AVL9: variants seen among roughly 807,000 people sequenced by gnomAD.
AVL9 encodes late secretory pathway protein AVL9 homolog.
In AVL9, 49 loss-of-function variants were observed where a neutral mutation model predicts 79.2. That is an observed-to-expected ratio of 0.62 (90% CI 0.49 to 0.79). The LOEUF (loss-of-function observed/expected upper bound fraction) is 0.79. AVL9 is among the 30% of genes least tolerant of loss of function. The probability of loss-of-function intolerance (pLI) is 0.00; values close to 1 mark genes in which losing one functional copy is unlikely to be tolerated. For synonymous variants in AVL9, 299 were observed against 280.6 expected (o/e 1.07, Z -0.65); for missense variants, 682 against 776.8 (o/e 0.88, Z 1.45).
chr7:32,580,305 T>C (rs756508881), intron 14 of AVL9, 33 bp downstream of exon 14: 3 of 1,542,700 alleles, frequency 1.9e-6, no homozygotes, highest in South Asian at 2.3e-5. Context: ...GGGAAAATTC[T>C]TAAGTCTGAA....
intron 1 of AVL9, among the ~76,000 whole-genome samples, chr7:32,523,409 A>G (rs1788253892): frequency 6.6e-6 from 1 of 151,880 alleles, no homozygotes; most frequent in South Asian, 2.1e-4. Flanking sequence ...CTGGGAACCT[A>G]AACTTTTTTT....
chr7:32,516,930 A>G (rs965655898), intron 1 of AVL9, among the ~76,000 whole-genome samples: 5 of 152,176 alleles, frequency 3.3e-5, no homozygotes, highest in African/African-American at 7.2e-5. Context: ...AGGAAATTTC[A>G]GAGCCCAAAG....
rs1474068768 is a variant in AVL9 at position 32,497,682 on chromosome 7, A to T, written c.93+1880A>T. Among the ~76,000 whole-genome samples the T allele has an allele frequency of 2.7e-5, 4 of 146,604 alleles. No individual in the cohort carries two copies. In the East Asian group the frequency reaches 8.0e-4, roughly 29 times the overall value. On this transcript the variant is annotated intron_variant, in intron 1 of 15. Coordinates refer to ENST00000318709, the MANE Select transcript of AVL9 (RefSeq NM_015060.3). ...TTTTTTTTTTTTTTCTTCAGATGGA[A>T]TCTCACTCTCTCACCCAGGCTGGAG...
intron 1 of AVL9, among the ~76,000 whole-genome samples, chr7:32,496,227 C>T (rs1303359282): frequency 6.6e-6 from 1 of 152,196 alleles, no homozygotes; most frequent in Admixed American, 6.5e-5. Flanking sequence ...GCTCAGTGGG[C>T]TTGCATACTA....
chr7:32,567,661 A>C (rs962414957), intron 10 of AVL9, among the ~76,000 whole-genome samples: 1 of 151,912 alleles, frequency 6.6e-6, no homozygotes, highest in African/African-American at 2.4e-5. Flanking sequence ...ATGGTAGCAG[A>C]ATGTGCCCAT....
chr7:32,569,316 C>T (rs1198209358), intron 10 of AVL9, among the ~76,000 whole-genome samples: 1 of 152,214 alleles, frequency 6.6e-6, no homozygotes, highest in Non-Finnish European at 1.5e-5. Flanking sequence ...GCATATCTTC[C>T]TTCAGTCAAT....
At chr7:32,524,041 G>A (rs546501092) in intron 1 of AVL9, among the ~76,000 whole-genome samples, 2 of 151,414 alleles carry the variant, frequency 1.3e-5, no homozygotes, top group Non-Finnish European at 2.9e-5. Context: ...TCGAGATGGG[G>A]TTTCAACATG....
chr7:32,584,713 C>T lies in AVL9; in HGVS notation c.*806C>T, dbSNP rs1583620176. On this transcript the variant is annotated 3_prime_UTR_variant, in exon 16 of 16. Transcript: ENST00000318709. Reference sequence around the variant, plus strand: ...TTATTTTTCAACCGCAGTCATGTTGCAGTCTTACAAGCACTTTTTTTTTAT... The same window carrying T: ...TTATTTTTCAACCGCAGTCATGTTGTAGTCTTACAAGCACTTTTTTTTTAT... 1 of 136,106 alleles carries T rather than the reference C, an allele frequency of 7.3e-6. No individual in the cohort carries two copies. Among genetic ancestry groups the T allele is most frequent in the Non-Finnish European group, 1.5e-5 (1 of 66,312 alleles). 8.4% of individuals were successfully genotyped at this position (136,106 alleles called of 1,614,324 possible).
intron 10 of AVL9, among the ~76,000 whole-genome samples, chr7:32,564,171 A>G (rs540775414): frequency 6.6e-6 from 1 of 152,340 alleles, no homozygotes; most frequent in African/African-American, 2.4e-5. Flanking sequence ...TCAATAAAGC[A>G]TGTTTAGCGG....
chr7:32,583,529 A>G (rs1034301018), intron 15 of AVL9, among the ~76,000 whole-genome samples: 8 of 152,026 alleles, frequency 5.3e-5, no homozygotes, highest in African/African-American at 1.9e-4. Flanking sequence ...AAATCAAAAA[A>G]TTACCCAGGT....
At chr7:32,571,482 C>T (rs1157610502) in intron 11 of AVL9, among the ~76,000 whole-genome samples, 21 of 151,010 alleles carry the variant, frequency 1.4e-4, no homozygotes, top group Admixed American at 1.1e-3. Context: ...GAGCCGAGAT[C>T]GTGCCACTGC....
At position 32,517,844 on chromosome 7, in the gene AVL9, T is replaced by TG. The variant is rs936174898; in HGVS notation, c.93+22042_93+22043insG. On this transcript the variant is annotated intron_variant, in intron 1 of 15. Transcript: ENST00000318709. The stretch of plus-strand genomic sequence containing the variant: ...TTTGTTTGTTTGTTTTGTTTTGTTT[T>TG]TTTTTGAAACATAGTCTTGCTTTGT... Among the ~76,000 whole-genome samples, 360 of 152,096 alleles carry TG rather than the reference T, an allele frequency of 2.4e-3. 3 individuals carry two copies. The highest frequency in any genetic ancestry group is 8.2e-3 in the African/African-American group (339 of 41,492).
At chr7:32,548,310 G>A (rs1283187456) in intron 3 of AVL9, among the ~76,000 whole-genome samples, 1 of 151,968 alleles carries the variant, frequency 6.6e-6, no homozygotes, top group African/African-American at 2.4e-5. Flanking sequence ...ACCACACCTG[G>A]CTGATTTCTG....
chr7:32,576,658 C>T (rs892199105), intron 13 of AVL9, among the ~76,000 whole-genome samples: 5 of 151,976 alleles, frequency 3.3e-5, no homozygotes, highest in African/African-American at 1.2e-4. Context: ...TGGTAGTGGG[C>T]GCCTGTAATC....
intron 3 of AVL9, among the ~76,000 whole-genome samples, chr7:32,545,106 G>GA (rs11381738): frequency 0.64 from 97,594 of 151,880 alleles, 31,869 homozygotes; most frequent in Admixed American, 0.73. Context: ...ATATAACTTA[G>GA]AAAAATTGAG....
At chr7:32,509,439 C>A (rs1410527855) in intron 1 of AVL9, among the ~76,000 whole-genome samples, 1 of 152,146 alleles carries the variant, frequency 6.6e-6, no homozygotes, top group Non-Finnish European at 1.5e-5. Flanking sequence ...ACACAACTTA[C>A]CCTACTTGAA....
chr7:32,543,367 A>G (rs918332079), intron 2 of AVL9, 106 bp downstream of exon 2: 1 of 1,337,904 alleles, frequency 7.5e-7, no homozygotes, highest in African/African-American at 1.5e-5. Flanking sequence ...GCCTGTTAGA[A>G]CTATTTATAA....
At chr7:32,569,660 C>T (rs971880779) in intron 10 of AVL9, among the ~76,000 whole-genome samples, 9 of 152,206 alleles carry the variant, frequency 5.9e-5, no homozygotes, top group Admixed American at 4.6e-4. Context: ...TACTAAACAA[C>T]GTACTTACTA....
At chr7:32,549,681 G>A (rs1789710615) in intron 4 of AVL9, among the ~76,000 whole-genome samples, 1 of 151,788 alleles carries the variant, frequency 6.6e-6, no homozygotes, top group African/African-American at 2.4e-5. Context: ...TTGGAAGGCC[G>A]AGGTGGGCGG....
Sources: gnomAD v4.1 joint callset for allele counts (sites outside exome capture counted in the v4.1 genomes callset) on GRCh38, gnomAD v4.1.1 for gene constraint, MANE v1.5 for transcripts, NCBI Gene and HGNC (gene_info 2026-07-23, HGNC 2026-07-21) for gene names.